The following TRMT10C variants were observed in gnomAD, a reference collection of about 807,000 sequenced individuals.
TRMT10C encodes the protein tRNA methyltransferase 10 homolog C.
In TRMT10C, 14 loss-of-function variants were observed where a neutral mutation model predicts 27.4. The observed-to-expected ratio is 0.51, with a 90% CI of 0.34 to 0.80. The LOEUF is 0.80. Among genes scored for constraint, TRMT10C ranks in the 30% least tolerant of loss-of-function variants. TRMT10C has a pLI of 0.02. For missense variants in TRMT10C, 438 were observed against 464.8 expected, an observed-to-expected ratio of 0.94 and a Z score of 0.53; for synonymous variants, 143 against 155.9, an observed-to-expected ratio of 0.92 and a Z score of 0.62.
In TRMT10C at chr3:101,566,085, A is replaced by C; in HGVS notation, c.*92A>C. 3 of 1,338,774 alleles carry C rather than the reference A, an allele frequency of 2.2e-6. No homozygotes were observed. The highest frequency in any genetic ancestry group is 2.7e-5 in the Admixed American group (1 of 36,722). 82.9% of individuals were successfully genotyped at this position (1,338,774 alleles called of 1,614,324 possible). On this transcript the variant is annotated 3_prime_UTR_variant, in exon 2 of 2. Transcript: ENST00000309922. The stretch of plus-strand genomic sequence containing the variant: ...TAAAAAGTAAATGCGTTAGAAATAC[A>C]GTTCTGTTAATGTATTTCTTCCCAA...
At position 101,564,826 on chromosome 3, in the gene TRMT10C, A is replaced by G; in HGVS notation, c.45A>G (p.Arg15=). The change falls in exon 2 of 2, where the codon AGA becomes AGG. Residue 15 remains arginine (R), a synonymous_variant. Coordinates refer to ENST00000309922, the MANE Select transcript of TRMT10C (RefSeq NM_017819.4). ...TGAGTGTTAGTGTCAATTTCTTCAG[A>G]CCTTTCACCAGGTTTTTGGTGCCAT... ...LKMSVSVNFF[R]PFTRFLVPFT... The G allele has an allele frequency of 6.2e-7, 1 of 1,609,578 alleles. No individual in the cohort carries two copies. The highest frequency in any genetic ancestry group is 2.2e-5 in the East Asian group (1 of 44,824).
At position 101,565,170 on chromosome 3, in the gene TRMT10C, A is replaced by T; in HGVS notation, c.389A>T (p.Lys130Ile). 6.4e-7 allele frequency: 1 copy of T among 1,558,728 alleles called. No homozygotes were observed. Among genetic ancestry groups the T allele is most frequent in the East Asian group, 2.3e-5 (1 of 43,610 alleles). ...LMECVSNTAK[K>I]KYLKYLYTKE... Reference sequence around the variant, plus strand: ...GAATGTGTTTCTAACACAGCAAAAAAAAAATATTTAAAATATTTATATACG... The same window carrying T: ...GAATGTGTTTCTAACACAGCAAAAATAAAATATTTAAAATATTTATATACG... The change falls in exon 2 of 2, where the codon AAA (lysine) becomes ATA (isoleucine). Residue 130 changes from lysine to isoleucine, a missense_variant. Lys to Ile is a moderately radical substitution (Grantham distance 102, BLOSUM62 -3). This residue lies in a region of TRMT10C where 350 missense variants were observed against 370.5 expected (regional missense o/e 0.94). Transcript: ENST00000309922.
intron 1 of TRMT10C, 71 bp from the exon 2 acceptor site, chr3:101,564,699 A>C (rs1203189413): frequency 6.6e-6 from 9 of 1,363,492 alleles, no homozygotes; most frequent in Admixed American, 2.3e-5. Context: ...TCAAATTTAT[A>C]CTTGCACAAT....
rs4257518 is a variant in TRMT10C at position 101,562,865 on chromosome 3, A to C, written c.-13+862A>C. 2.1e-4 allele frequency among the ~76,000 whole-genome samples: 32 copies of C among 151,920 alleles called. No homozygotes were observed. The East Asian group carries it at 6.0e-3, about 29-fold the overall frequency. On this transcript the variant is annotated intron_variant, in intron 1 of 1. Coordinates refer to ENST00000309922, the MANE Select transcript of TRMT10C (RefSeq NM_017819.4). ...AGTGAGGCAAATAGATAACCAGGCA[A>C]TTACAGTGCAGTGTTAGAAGTACTG...
At chr3:101,563,055 A>G (rs1323473352) in intron 1 of TRMT10C, among the ~76,000 whole-genome samples, 1 of 152,076 alleles carries the variant, frequency 6.6e-6, no homozygotes, top group Admixed American at 6.5e-5. Context: ...TTGAAGGAGG[A>G]TCAGATTGTG....
At chr3:101,564,137 A>G (rs1240975767) in intron 1 of TRMT10C, among the ~76,000 whole-genome samples, 1 of 151,936 alleles carries the variant, frequency 6.6e-6, no homozygotes, top group Non-Finnish European at 1.5e-5. Flanking sequence ...GGTGGTACAT[A>G]ACTTTGTTGC....
At chr3:101,562,803 C>T (rs528656435) in intron 1 of TRMT10C, among the ~76,000 whole-genome samples, 10 of 151,998 alleles carry the variant, frequency 6.6e-5, no homozygotes, top group Non-Finnish European at 1.2e-4. Flanking sequence ...TAGACAAAGT[C>T]CTTGTCCTCA....
chr3:101,565,939 G>T lies in TRMT10C; in HGVS notation c.1158G>T (p.Glu386Asp). 1 of 1,613,452 alleles carries T rather than the reference G, an allele frequency of 6.2e-7. No individual in the cohort carries two copies. Among genetic ancestry groups the T allele is most frequent in the South Asian group, 1.1e-5 (1 of 91,010 alleles). Reference sequence around the variant, plus strand: ...AGAGAAAACATACTGGTTTTCTGGAGATTTCTCAGCATTCTCAAGAGTTTA... The same window carrying T: ...AGAGAAAACATACTGGTTTTCTGGATATTTCTCAGCATTCTCAAGAGTTTA... ...VPKRKHTGFL[E>D]ISQHSQEFIN... Residue 386 changes from glutamate (E) to aspartate (D), a missense_variant, in exon 2 of 2, where the codon GAG becomes GAT. Physicochemically the swap from Glu to Asp is conservative, Grantham distance 45 (BLOSUM62 2). Coordinates refer to ENST00000309922, the MANE Select transcript of TRMT10C (RefSeq NM_017819.4).
At chr3:101,563,816 CTTTATATACA>C (rs922012284) in intron 1 of TRMT10C, among the ~76,000 whole-genome samples, 3 of 152,144 alleles carry the variant, frequency 2.0e-5, no homozygotes, top group Admixed American at 1.3e-4. Context: ...AACTGTGGAG[CTTTATATACA>C]TTTATATACA....
At position 101,565,008 on chromosome 3, in the gene TRMT10C, A is replaced by G. The variant is rs1241372844; in HGVS notation, c.227A>G (p.Glu76Gly). The G allele has an allele frequency of 3.7e-6, 6 of 1,613,968 alleles. No individual in the cohort carries two copies. The highest frequency in any genetic ancestry group is 4.2e-6 in the Non-Finnish European group (5 of 1,180,038). Residue 76 changes from glutamate (E) to glycine (G), a missense_variant, in exon 2 of 2, where the codon GAA (glutamate) becomes GGA (glycine). This residue lies in a region of TRMT10C where 350 missense variants were observed against 370.5 expected (regional missense o/e 0.94). Coordinates refer to ENST00000309922, the MANE Select transcript of TRMT10C (RefSeq NM_017819.4). ...ACTACCATGAAATCTAGTGTGCAAG[A>G]AGAATGTGTTTCAACAATCTCAAGC... ...WKTTMKSSVQ[E>G]ECVSTISSSK... is the part of the protein sequence containing the mutation.
rs948917112 is a variant in TRMT10C, at chr3:101,566,073, C to T, written c.*80C>T. 4.6e-5 allele frequency: 65 copies of T among 1,400,542 alleles called. No homozygotes were observed. Among genetic ancestry groups the T allele is most frequent in the East Asian group, 4.4e-4 (19 of 42,756 alleles). 86.8% of individuals were successfully genotyped at this position (1,400,542 alleles called of 1,614,324 possible). A position where few individuals can be genotyped will look rare whatever the true frequency, so the allele number is the denominator to read the frequency against. ...CATTTGATGGCTTAAAAAGTAAATG[C>T]GTTAGAAATACAGTTCTGTTAATGT... On this transcript the variant is annotated 3_prime_UTR_variant, in exon 2 of 2. Transcript: ENST00000309922.
At position 101,564,781 on chromosome 3, in the gene TRMT10C, C is replaced by T. The variant is rs772153201; in HGVS notation, c.-1C>T. 3.3e-6 allele frequency: 5 copies of T among 1,527,856 alleles called. No homozygotes were observed. The highest frequency in any genetic ancestry group is 2.3e-5 in the East Asian group (1 of 43,874). The allele number at this position is 1,527,856 out of a possible 1,614,324, so 94.6% of individuals were successfully genotyped here. A position where few individuals can be genotyped will look rare whatever the true frequency, so the allele number is the denominator to read the frequency against. On this transcript the variant is annotated 5_prime_UTR_variant, in exon 2 of 2. Transcript: ENST00000309922. ...TTCTTCTTTTACAGGGGTTTTGTTA[C>T]ATGGCTGCTTTCCTCAAAATGAGTG...
Position 101,565,343 on chromosome 3 carries a change from G to A in TRMT10C, c.562G>A (p.Asp188Asn). ...TTTACGACTTTGGGATAGGAATATG[G>A]ACATAGCAATGGGCTGGAAGGGTGC... The part of the protein sequence containing the change: ...LFLRLWDRNM[D>N]IAMGWKGAQA... Residue 188 changes from aspartate to asparagine, a missense_variant, in exon 2 of 2, where the codon GAC (aspartate) becomes AAC (asparagine). Around this residue, in one of 3 missense-constraint regions of TRMT10C, gnomAD observed 350 missense variants for 370.5 expected, o/e 0.94. Coordinates refer to ENST00000309922, the MANE Select transcript of TRMT10C (RefSeq NM_017819.4). 1.2e-6 allele frequency: 2 copies of A among 1,614,144 alleles called. No individual in the cohort carries two copies. Among genetic ancestry groups the A allele is most frequent in the Non-Finnish European group, 1.7e-6 (2 of 1,180,014 alleles).
At chr3:101,562,289 G>A (rs1175470920) in intron 1 of TRMT10C, among the ~76,000 whole-genome samples, 1 of 152,208 alleles carries the variant, frequency 6.6e-6, no homozygotes, top group African/African-American at 2.4e-5. Context: ...TGAAATCAAT[G>A]TTTATTAGAT....
rs1179297414 is a variant in TRMT10C at position 101,565,028 on chromosome 3, T to C, written c.247T>C (p.Ser83Pro). 2 of 1,613,786 alleles carry C rather than the reference T, an allele frequency of 1.2e-6. No homozygotes were observed. Among genetic ancestry groups the C allele is most frequent in the African/African-American group, 2.7e-5 (2 of 74,846 alleles). Residue 83 changes from serine (S) to proline (P), a missense_variant, in exon 2 of 2, where the codon TCA becomes CCA. Physicochemically the swap from Ser to Pro is moderately conservative, Grantham distance 74. This residue lies in a region of TRMT10C where 350 missense variants were observed against 370.5 expected (regional missense o/e 0.94). Coordinates refer to ENST00000309922, the MANE Select transcript of TRMT10C (RefSeq NM_017819.4). ...GCAAGAAGAATGTGTTTCAACAATCTCAAGCAGTAAGGATGAAGATCCTCT... is the reference window on the plus strand; with the variant it reads ...GCAAGAAGAATGTGTTTCAACAATCCCAAGCAGTAAGGATGAAGATCCTCT... The part of the protein sequence containing the change: ...SVQEECVSTI[S>P]SSKDEDPLAA...
At chr3:101,563,346 C>G (rs1559948819) in intron 1 of TRMT10C, among the ~76,000 whole-genome samples, 1 of 152,080 alleles carries the variant, frequency 6.6e-6, no homozygotes, top group Non-Finnish European at 1.5e-5. Flanking sequence ...TTAGTAGAGA[C>G]AGGGTTTCGC....
rs771773287 is a variant in TRMT10C, at chr3:101,565,058, G to A, written c.277G>A (p.Ala93Thr). Residue 93 changes from alanine (A) to threonine (T), a missense_variant, in exon 2 of 2, where the codon GCC (alanine) becomes ACC (threonine). Ala to Thr is a moderately conservative substitution (Grantham distance 58). Transcript: ENST00000309922. ...CAGTAAGGATGAAGATCCTCTAGCT[G>A]CCACCAGAGAGTTCATTGAGATGTG... ...SSSKDEDPLA[A>T]TREFIEMWRL... is the part of the protein sequence containing the mutation. 1 of 1,613,988 alleles carries A rather than the reference G, an allele frequency of 6.2e-7. No homozygotes were observed. The highest frequency in any genetic ancestry group is 8.5e-7 in the Non-Finnish European group (1 of 1,180,016).
rs745311679 is a variant in TRMT10C at position 101,565,190 on chromosome 3, T to A, written c.409T>A (p.Tyr137Asn). Residue 137 changes from tyrosine to asparagine, a missense_variant, in exon 2 of 2, where the codon TAT becomes AAT. Coordinates refer to ENST00000309922, the MANE Select transcript of TRMT10C (RefSeq NM_017819.4). Reference protein sequence around the residue: ...TAKKKYLKYLYTKEKVKKARQ... With the variant: ...TAKKKYLKYLNTKEKVKKARQ... ...AAAAAAAAAATATTTAAAATATTTATATACGAAGGAAAAAGTGAAAAAAGC... is the reference window on the plus strand; with the variant it reads ...AAAAAAAAAATATTTAAAATATTTAAATACGAAGGAAAAAGTGAAAAAAGC... 6.4e-7 allele frequency: 1 copy of A among 1,573,830 alleles called. No homozygotes were observed. Among genetic ancestry groups the A allele is most frequent in the East Asian group, 2.3e-5 (1 of 42,994 alleles).
rs1296734239 is a variant in TRMT10C at position 101,561,930 on chromosome 3, C to G, written c.-86C>G. ...GCTTCGGCGCGGATCCCTGGGCGTC[C>G]GTACGTCGGAGTCCTTCGTCCTCCA... On this transcript the variant is annotated 5_prime_UTR_variant, in exon 1 of 2. Transcript: ENST00000309922. 4 of 152,944 alleles carry G rather than the reference C, an allele frequency of 2.6e-5. No individual in the cohort carries two copies. The highest frequency in any genetic ancestry group is 1.9e-4 in the East Asian group (1 of 5,328). The allele number at this position is 152,944 out of a possible 1,614,324, so 9.5% of individuals were successfully genotyped here.
Sources: gnomAD v4.1 joint callset for allele counts (sites outside exome capture counted in the v4.1 genomes callset) on GRCh38, gnomAD v4.1.1 for gene constraint, gnomAD v4.1.1 regional missense constraint, MANE v1.5 for transcripts, NCBI Gene and HGNC (gene_info 2026-07-23, HGNC 2026-07-21) for gene names.